The following ARHGEF7 variants were observed in gnomAD, a reference collection of about 807,000 sequenced individuals.
The protein encoded by ARHGEF7 is Rho guanine nucleotide exchange factor 7.
Under a neutral mutation model 109.8 loss-of-function variants are expected in ARHGEF7, and 33 were observed. The observed-to-expected ratio is 0.30, with a 90% CI of 0.23 to 0.40. The LOEUF is 0.40. Among genes scored for constraint, ARHGEF7 ranks in the 10% least tolerant of loss-of-function variants. The pLI is 1.00. For missense variants in ARHGEF7, 938 were observed against 1,098.5 expected (o/e 0.85, Z 2.07); for synonymous variants, 458 against 424.6 (o/e 1.08, Z -0.97).
chr13:111,293,845 C>A (rs1340035721), intron 19 of ARHGEF7: 2 of 985,292 alleles, frequency 2.0e-6, no homozygotes, highest in Non-Finnish European at 2.4e-6. Context: ...AACTCTGATG[C>A]AGTATCAGTC....
At position 111,266,307 on chromosome 13, in the gene ARHGEF7, C is replaced by T. The variant is rs879569292; in HGVS notation, c.951-1241C>T. On this transcript the variant is annotated intron_variant, in intron 8 of 21. Coordinates refer to ENST00000646102, the MANE Select transcript of ARHGEF7 (RefSeq NM_001354046.2). The surrounding 1 kb of genome is among the most constrained non-coding windows in gnomAD (Gnocchi z 4.8). ...CAGGTGTTTCTCACTCAGAGCTCTT[C>T]GCATCCTTGTTTCTGGGCTTCTGAA... 3.3e-5 allele frequency among the ~76,000 whole-genome samples: 5 copies of T among 152,086 alleles called. No individual in the cohort carries two copies. The highest frequency in any genetic ancestry group is 2.6e-4 in the Admixed American group (4 of 15,282).
At chr13:111,152,125 T>TAA (rs1374084104) in intron 1 of ARHGEF7, among the ~76,000 whole-genome samples, 1 of 152,208 alleles carries the variant, frequency 6.6e-6, no homozygotes, top group African/African-American at 2.4e-5. Context: ...AGCATAAAAA[T>TAA]AGACTATATG....
chr13:111,232,958 G>T (rs1216625160), intron 5 of ARHGEF7, among the ~76,000 whole-genome samples: 1 of 152,128 alleles, frequency 6.6e-6, no homozygotes, highest in Non-Finnish European at 1.5e-5. Flanking sequence ...TCTCTTAGAC[G>T]CCTTCAACTT....
Position 111,153,989 on chromosome 13 carries a change from G to T in ARHGEF7, c.250G>T (p.Glu84Ter). 1 of 1,599,852 alleles carries T rather than the reference G, an allele frequency of 6.3e-7. No individual in the cohort carries two copies. The highest frequency in any genetic ancestry group is 2.3e-5 in the East Asian group (1 of 43,228). Residue 84 changes from glutamate (E) to a stop codon, truncating the protein, a stop_gained and splice_region_variant, in exon 2 of 22, where the codon GAG becomes TAG. Coordinates refer to ENST00000646102, the MANE Select transcript of ARHGEF7 (RefSeq NM_001354046.2). LOFTEE classifies it high-confidence loss of function. ...CGGCTGCGGGGCTTCCCTGCGGCTG[G>T]AGGTGAGCGCGGGCGGCCACGGGCC... ...LRGCGASLRL[E>*]TFDANDLYQG...
intron 2 of ARHGEF7, among the ~76,000 whole-genome samples, chr13:111,174,290 C>A (rs940632189): frequency 2.6e-5 from 4 of 152,212 alleles, no homozygotes; most frequent in Non-Finnish European, 5.9e-5. Flanking sequence ...TTACATTTAA[C>A]CACACTGTTA....
At chr13:111,259,546 G>A (rs912515951) in intron 8 of ARHGEF7, among the ~76,000 whole-genome samples, 1 of 152,248 alleles carries the variant, frequency 6.6e-6, no homozygotes. Context: ...ATTACTGCGT[G>A]TGGGGTGCCC....
intron 1 of ARHGEF7, among the ~76,000 whole-genome samples, chr13:111,116,970 G>A (rs767664134): frequency 6.6e-6 from 1 of 152,216 alleles, no homozygotes; most frequent in African/African-American, 2.4e-5. Flanking sequence ...TGAACCTGAT[G>A]TCACAGTGAA....
intron 5 of ARHGEF7, among the ~76,000 whole-genome samples, chr13:111,227,589 A>G (rs1594946278): frequency 1.3e-5 from 2 of 152,206 alleles, no homozygotes. Context: ...CATAGCTTTT[A>G]TATGCAGTAG....
chr13:111,146,256 AC>A lies in ARHGEF7; in HGVS notation c.166-7648del, dbSNP rs2075588399. On this transcript the variant is annotated intron_variant, in intron 1 of 21. Transcript: ENST00000646102. ...CTTCTAGAGTCAGTCTATATATACC[AC>A]TAGGTTCTCTAAGTATGGTCCTGAT... Among the ~76,000 whole-genome samples the A allele has an allele frequency of 1.3e-5, 2 of 152,170 alleles. 1 individual carries two copies. Among genetic ancestry groups the A allele is most frequent in the South Asian group, 4.1e-4 (2 of 4,824 alleles).
rs1204000687 is a variant in ARHGEF7, at chr13:111,304,386, C to G, written c.*1273C>G. 1 of 152,222 alleles carries G rather than the reference C, an allele frequency of 6.6e-6. No homozygotes were observed. The highest frequency in any genetic ancestry group is 6.5e-5 in the Admixed American group (1 of 15,284). The allele number at this position is 152,222 out of a possible 1,614,324, so 9.4% of individuals were successfully genotyped here. ...CAATAAATAAGGGTGACCACAGGGA[C>G]TTTGCTTTTGGTTTCCTTTCCTGTG... On this transcript the variant is annotated 3_prime_UTR_variant, in exon 22 of 22. Transcript: ENST00000646102.
chr13:111,221,525 ATATATATCTATATATAGATACATATC>A lies in ARHGEF7; in HGVS notation c.670+3662_670+3687del, dbSNP rs1566876215. ...TATCTATATATATAGATATATATCT[ATATATATCTATATATAGATACATATC>A]TATATATCTATATATATAGATACAT... On this transcript the variant is annotated intron_variant, in intron 5 of 21. Transcript: ENST00000646102. Among the ~76,000 whole-genome samples, 76 of 33,340 alleles carry A rather than the reference ATATATATCTATATATAGATACATATC, an allele frequency of 2.3e-3. No individual in the cohort carries two copies. In the East Asian group the frequency reaches 0.056, roughly 25 times the overall value. The allele number at this position is 33,340 out of a possible 152,430, so 21.9% of individuals were successfully genotyped here.
chr13:111,288,319 A>G (rs1595555247), intron 17 of ARHGEF7, 35 bp from the exon 18 acceptor site: 1 of 1,539,114 alleles, frequency 6.5e-7, no homozygotes, highest in African/African-American at 1.4e-5. Flanking sequence ...GAGGCCTTTC[A>G]GTTCGACTGT....
chr13:111,115,576 T>C lies in ARHGEF7; in HGVS notation c.50T>C (p.Leu17Pro). The part of the protein sequence containing the change: ...TVTWLITLGV[L>P]ESPKKTISDP... ...ACGTGGCTCATCACTCTGGGGGTGC[T>C]GGAGTCGCCCAAAAAAACCATCTCG... Residue 17 changes from leucine to proline, a missense_variant, in exon 1 of 22, where the codon CTG becomes CCG. By Grantham distance (98) the Leu-to-Pro change is moderately conservative. This residue lies in a region of ARHGEF7 where 165 missense variants were observed against 125.8 expected (regional missense o/e 1.31). Coordinates refer to ENST00000646102, the MANE Select transcript of ARHGEF7 (RefSeq NM_001354046.2). 7.0e-7 allele frequency: 1 copy of C among 1,418,682 alleles called. No individual in the cohort carries two copies. Among genetic ancestry groups the C allele is most frequent in the Non-Finnish European group, 9.4e-7 (1 of 1,068,800 alleles). The allele number at this position is 1,418,682 out of a possible 1,614,324, so 87.9% of individuals were successfully genotyped here. A position where few individuals can be genotyped will look rare whatever the true frequency, so the allele number is the denominator to read the frequency against.
At chr13:111,221,493 A>ATATATATATCTATATAGATATATATC (rs2084222795) in intron 5 of ARHGEF7, among the ~76,000 whole-genome samples, 1 of 43,584 alleles carries the variant, frequency 2.3e-5, no homozygotes, top group Admixed American at 4.1e-4. Context: ...ATATATAGAC[A>ATATATATATCTATATAGATATATATC]TATATATATC....
At chr13:111,232,500 T>C (rs974211351) in intron 5 of ARHGEF7, among the ~76,000 whole-genome samples, 4 of 152,224 alleles carry the variant, frequency 2.6e-5, no homozygotes, top group African/African-American at 9.6e-5. Context: ...TGCCAGGTTT[T>C]GTTTGGCAGG....
chr13:111,134,083 G>A (rs1594906050), intron 1 of ARHGEF7, among the ~76,000 whole-genome samples: 1 of 151,700 alleles, frequency 6.6e-6, no homozygotes, highest in Non-Finnish European at 1.5e-5. Context: ...GAGAATGATG[G>A]TTTCCAGCTT....
intron 2 of ARHGEF7, chr13:111,182,123 G>A (rs1446006057): frequency 6.6e-6 from 1 of 152,106 alleles, no homozygotes; most frequent in Non-Finnish European, 1.5e-5. Context: ...AGACCAGGAG[G>A]GTGAGAACAC....
chr13:111,262,970 C>T (rs1171354276), intron 8 of ARHGEF7, among the ~76,000 whole-genome samples: 1 of 152,238 alleles, frequency 6.6e-6, no homozygotes, highest in African/African-American at 2.4e-5. Context: ...GATGTAGCCC[C>T]TGTGGGGTGC....
chr13:111,263,110 C>G (rs564198908), intron 8 of ARHGEF7, among the ~76,000 whole-genome samples: 1 of 152,292 alleles, frequency 6.6e-6, no homozygotes, highest in South Asian at 2.1e-4. Flanking sequence ...GGCTGGTTGT[C>G]GTGTGAATTC....
Sources: allele counts gnomAD v4.1 joint callset (sites outside exome capture counted in the v4.1 genomes callset), GRCh38; gene constraint gnomAD v4.1.1; regional missense constraint gnomAD v4.1.1; non-coding constraint Gnocchi (gnomAD v3.1); transcripts MANE v1.5; gene names NCBI Gene and HGNC (gene_info 2026-07-23, HGNC 2026-07-21).